ASPA: variants seen among roughly 807,000 people sequenced by gnomAD.
ASPA encodes ACY-2.
ASPA carries 25 observed loss-of-function variants against 29.6 expected under a neutral mutation model. The observed-to-expected ratio is 0.85, with a 90% CI of 0.62 to 1.18. The LOEUF (loss-of-function observed/expected upper bound fraction) is 1.18. ASPA is among the 50% of genes most tolerant of loss of function. ASPA has a pLI of 0.00. For synonymous variants in ASPA, 131 were observed against 130.3 expected, an observed-to-expected ratio of 1.01 and a Z score of -0.04; for missense variants, 333 against 385.7, an observed-to-expected ratio of 0.86 and a Z score of 1.14.
At chr17:3,478,233 CA>C (rs1410297636) in intron 1 of ASPA, among the ~76,000 whole-genome samples, 1 of 151,932 alleles carries the variant, frequency 6.6e-6, no homozygotes, top group African/African-American at 2.4e-5. Flanking sequence ...CACAACTAGC[CA>C]CTGTTCTATG....
intron 1 of ASPA, among the ~76,000 whole-genome samples, chr17:3,477,335 T>G (rs2150742854): frequency 6.6e-6 from 1 of 152,366 alleles, no homozygotes; most frequent in South Asian, 2.1e-4. Context: ...GCATACAACG[T>G]AAGCAGTCAT....
chr17:3,480,862 C>G (rs2150746000), intron 1 of ASPA, among the ~76,000 whole-genome samples: 1 of 152,346 alleles, frequency 6.6e-6, no homozygotes, highest in African/African-American at 2.4e-5. Flanking sequence ...CAGGTTAGAT[C>G]TCTTTCATTG....
chr17:3,480,425 A>G (rs2073607335), intron 1 of ASPA, among the ~76,000 whole-genome samples: 1 of 152,166 alleles, frequency 6.6e-6, no homozygotes, highest in Non-Finnish European at 1.5e-5. Flanking sequence ...ATTGAAGGTA[A>G]AATCATAGGG....
intron 1 of ASPA, 71 bp downstream of exon 1, chr17:3,476,466 CAT>C (rs2073525162): frequency 2.2e-6 from 3 of 1,355,540 alleles, no homozygotes; most frequent in East Asian, 4.6e-5. Context: ...AAAGAGAACA[CAT>C]ATATGTATAT....
intron 3 of ASPA, 72 bp from the exon 4 acceptor site, chr17:3,489,163 C>T: frequency 1.1e-6 from 1 of 907,822 alleles, no homozygotes; most frequent in Admixed American, 1.9e-5. Flanking sequence ...AATCTTGATA[C>T]ATTAAAATGC....
At chr17:3,487,073 C>CGTGTGTGTGTGTGT (rs59690349) in intron 3 of ASPA, among the ~76,000 whole-genome samples, 148 of 150,880 alleles carry the variant, frequency 9.8e-4, no homozygotes, top group East Asian at 3.9e-3. Flanking sequence ...TGTGTGTGTG[C>CGTGTGTGTGTGTGT]GTGTGTGTGT....
rs942048002 is a variant in ASPA, at chr17:3,491,873, T to C, written c.635-2477T>C. 1.0e-3 allele frequency among the ~76,000 whole-genome samples: 96 copies of C among 96,398 alleles called. 1 individual carries two copies. Among genetic ancestry groups the C allele is most frequent in the African/African-American group, 3.3e-3 (91 of 27,730 alleles). 63.2% of individuals were successfully genotyped at this position (96,398 alleles called of 152,430 possible). A position where few individuals can be genotyped will look rare whatever the true frequency, so the allele number is the denominator to read the frequency against. On this transcript the variant is annotated intron_variant, in intron 4 of 5. Transcript: ENST00000263080. ...TAGAGACAGAAATTTTTTTCTTTTG[T>C]TTTCTTTTTTTTTTTTTTTTTTGAG... is the stretch of plus-strand genomic sequence containing the variant.
At chr17:3,479,639 C>T (rs1468145264) in intron 1 of ASPA, among the ~76,000 whole-genome samples, 3 of 152,044 alleles carry the variant, frequency 2.0e-5, no homozygotes, top group African/African-American at 4.8e-5. Context: ...CTTCCCCCTG[C>T]ACCGACTCGA....
At chr17:3,498,286 C>T (rs2073941241) in intron 5 of ASPA, among the ~76,000 whole-genome samples, 1 of 152,122 alleles carries the variant, frequency 6.6e-6, no homozygotes, top group South Asian at 2.1e-4. Flanking sequence ...TTTAGTTTTG[C>T]CTTTTAATAT....
At chr17:3,496,524 G>A (rs767364562) in intron 5 of ASPA, among the ~76,000 whole-genome samples, 30 of 152,206 alleles carry the variant, frequency 2.0e-4, no homozygotes, top group Non-Finnish European at 4.4e-5. Flanking sequence ...TGGAGCATCT[G>A]AGGAACAGCA....
At position 3,483,583 on chromosome 17, in the gene ASPA, T is replaced by A; in HGVS notation, c.517T>A (p.Tyr173Asn). 4 of 1,612,774 alleles carry A rather than the reference T, an allele frequency of 2.5e-6. No individual in the cohort carries two copies. The highest frequency in any genetic ancestry group is 3.4e-6 in the Non-Finnish European group (4 of 1,178,712). The change falls in exon 3 of 6, where the codon TAT (tyrosine) becomes AAT (asparagine). Residue 173 changes from tyrosine (Y) to asparagine (N), a missense_variant. Tyr to Asn is a moderately radical substitution (Grantham distance 143). Coordinates refer to ENST00000263080, the MANE Select transcript of ASPA (RefSeq NM_000049.4). ...KYATTRSIAK[Y>N]PVGIEVGPQP... is the part of the protein sequence containing the mutation. ...TGCGACCACTCGTTCCATAGCCAAG[T>A]ATCCTGTGGGTAAGTCATAGTTCCC...
intron 4 of ASPA, 110 bp downstream of exon 4, chr17:3,489,452 T>C (rs1195399245): frequency 1.1e-6 from 1 of 915,118 alleles, no homozygotes; most frequent in Non-Finnish European, 1.8e-6. Flanking sequence ...CTTTTTAAAA[T>C]TTTTATTCAC....
Position 3,498,972 on chromosome 17 carries a change from T to C in ASPA, c.826T>C (p.Cys276Arg), listed in dbSNP as rs2073955894. 5 of 1,614,072 alleles carry C rather than the reference T, an allele frequency of 3.1e-6. No homozygotes were observed. The highest frequency in any genetic ancestry group is 1.7e-6 in the Non-Finnish European group (2 of 1,180,020). ...GAAGACGATCCCACTGGGCGGAGAC[T>C]GTACCGTGTACCCCGTGTTTGTGAA... ...DGKTIPLGGD[C>R]TVYPVFVNEA... Residue 276 changes from cysteine (C) to arginine (R), a missense_variant, in exon 6 of 6, where the codon TGT (cysteine) becomes CGT (arginine). Physicochemically the swap from Cys to Arg is radical, Grantham distance 180. Transcript: ENST00000263080.
rs146826063 is a variant in ASPA, at chr17:3,490,353, T to C, written c.634+1011T>C. 1.1e-4 allele frequency among the ~76,000 whole-genome samples: 17 copies of C among 152,340 alleles called. No homozygotes were observed. Among genetic ancestry groups the C allele is most frequent in the African/African-American group, 4.1e-4 (17 of 41,566 alleles). Reference sequence around the variant, plus strand: ...AAATCTAAAACTGCACTAAAAAGTCTATTAGTTATAAAAAAAGTTTACTTT... The same window carrying C: ...AAATCTAAAACTGCACTAAAAAGTCCATTAGTTATAAAAAAAGTTTACTTT... On this transcript the variant is annotated intron_variant, in intron 4 of 5. Coordinates refer to ENST00000263080, the MANE Select transcript of ASPA (RefSeq NM_000049.4). The surrounding 1 kb of genome is among the most constrained non-coding windows in gnomAD (Gnocchi z 4.6).
At chr17:3,483,722 G>C (rs2073674196) in intron 3 of ASPA, 130 bp downstream of exon 3, 5 of 859,426 alleles carry the variant, frequency 5.8e-6, no homozygotes, top group South Asian at 2.9e-5. Flanking sequence ...GAGTCCGATG[G>C]TGTGATCTCA....
intron 2 of ASPA, 96 bp downstream of exon 2, chr17:3,481,894 G>A (rs2073637834): frequency 1.7e-6 from 2 of 1,203,416 alleles, no homozygotes; most frequent in Non-Finnish European, 1.2e-6. Context: ...TATGAGGGAA[G>A]GTGCAAGAGA....
chr17:3,485,684 A>G lies in ASPA; in HGVS notation c.526+2092A>G, dbSNP rs2073705884. Among the ~76,000 whole-genome samples, 3 of 152,160 alleles carry G rather than the reference A, an allele frequency of 2.0e-5. No homozygotes were observed. Among genetic ancestry groups the G allele is most frequent in the South Asian group, 4.1e-4 (2 of 4,830 alleles). ...CAGGTTGTTTTCTGACCCTCTCCTT[A>G]TCAAGACCTGTCAAAGATCTGAGAA... On this transcript the variant is annotated intron_variant, in intron 3 of 5. Coordinates refer to ENST00000263080, the MANE Select transcript of ASPA (RefSeq NM_000049.4). This position sits in a 1 kb window ranked among gnomAD's most constrained non-coding sequence, Gnocchi z 4.4.
intron 1 of ASPA, among the ~76,000 whole-genome samples, chr17:3,480,306 A>C (rs1417292142): frequency 1.3e-5 from 2 of 152,276 alleles, no homozygotes. Context: ...ACAGAAGGCC[A>C]GAGTTTTATT....
chr17:3,484,296 C>T (rs964713742), intron 3 of ASPA, among the ~76,000 whole-genome samples: 2 of 152,236 alleles, frequency 1.3e-5, no homozygotes, highest in East Asian at 3.9e-4. Context: ...GTGCTAGGTG[C>T]GGGGGACAGA....
Sources: allele counts gnomAD v4.1 joint callset (sites outside exome capture counted in the v4.1 genomes callset), GRCh38; gene constraint gnomAD v4.1.1; non-coding constraint Gnocchi (gnomAD v3.1); transcripts MANE v1.5; gene names NCBI Gene and HGNC (gene_info 2026-07-23, HGNC 2026-07-21).